The following ZC3H18 variants were observed in gnomAD, a reference collection of about 807,000 sequenced individuals.
The protein encoded by ZC3H18 is zinc finger CCCH domain-containing protein 18.
A neutral mutation model predicts 106.1 loss-of-function variants in ZC3H18; 8 were observed. The observed-to-expected ratio is 0.08, with a 90% CI of 0.04 to 0.14. ZC3H18 has a LOEUF of 0.14. ZC3H18 is among the 10% of genes least tolerant of loss of function. The pLI is 1.00. For missense variants in ZC3H18, 1,318 were observed against 1,278.4 expected (o/e 1.03, Z -0.47); for synonymous variants, 635 against 522.1 (o/e 1.22, Z -2.95).
chr16:88,612,744 G>A (rs1427209240), intron 8 of ZC3H18, among the ~76,000 whole-genome samples: 1 of 151,966 alleles, frequency 6.6e-6, no homozygotes, highest in African/African-American at 2.4e-5. Flanking sequence ...GCTCACTCTT[G>A]TAATCTCAGC....
chr16:88,570,471 C>G lies in ZC3H18; in HGVS notation c.-110C>G, dbSNP rs1245406995. On this transcript the variant is annotated 5_prime_UTR_variant, in exon 1 of 18. Transcript: ENST00000301011. ...TGTTCCGCCCGTGTCGAGCCTGGAGCCAGAACCTGTGAAGAGCGGAAGGGC... is the reference window on the plus strand; with the variant it reads ...TGTTCCGCCCGTGTCGAGCCTGGAGGCAGAACCTGTGAAGAGCGGAAGGGC... 6.6e-6 allele frequency: 1 copy of G among 152,032 alleles called. No homozygotes were observed. The highest frequency in any genetic ancestry group is 1.5e-5 in the Non-Finnish European group (1 of 68,034). The allele number at this position is 152,032 out of a possible 1,614,324, so 9.4% of individuals were successfully genotyped here.
intron 16 of ZC3H18, 21 bp downstream of exon 16, chr16:88,628,875 G>C (rs755099544): frequency 8.7e-5 from 140 of 1,613,484 alleles, no homozygotes; most frequent in Non-Finnish European, 1.1e-4. Flanking sequence ...CAGCCCCTAG[G>C]GGGCAGGGCA....
At chr16:88,578,842 C>A (rs879791741) in intron 2 of ZC3H18, among the ~76,000 whole-genome samples, 15 of 152,188 alleles carry the variant, frequency 9.9e-5, no homozygotes, top group African/African-American at 3.1e-4. Context: ...AGGCGCCCGC[C>A]ACCACTGGCT....
At chr16:88,574,502 C>T (rs1455235995) in intron 1 of ZC3H18, among the ~76,000 whole-genome samples, 1 of 151,642 alleles carries the variant, frequency 6.6e-6, no homozygotes, top group Admixed American at 6.6e-5. Context: ...AGCCACCACG[C>T]CTGGCCAGAT....
At chr16:88,620,539 A>G (rs955678495) in intron 8 of ZC3H18, among the ~76,000 whole-genome samples, 1 of 150,764 alleles carries the variant, frequency 6.6e-6, no homozygotes, top group African/African-American at 2.4e-5. Flanking sequence ...ATGCCACCAC[A>G]CTCCAGCCCA....
chr16:88,580,154 A>ATTG (rs1166302801), intron 2 of ZC3H18, among the ~76,000 whole-genome samples: 5 of 132,024 alleles, frequency 3.8e-5, no homozygotes, highest in Non-Finnish European at 7.9e-5. Flanking sequence ...ACACAGGTTC[A>ATTG]TCTGTGTGTG....
chr16:88,622,464 C>G, intron 9 of ZC3H18, 76 bp downstream of exon 9: 1 of 1,458,232 alleles, frequency 6.9e-7, no homozygotes, highest in Non-Finnish European at 9.2e-7. Context: ...CTCACTGGGT[C>G]AGGTGGGGAA....
chr16:88,620,625 C>T (rs1905899159), intron 8 of ZC3H18, among the ~76,000 whole-genome samples: 1 of 150,822 alleles, frequency 6.6e-6, no homozygotes, highest in African/African-American at 2.4e-5. Flanking sequence ...ATACAATTGC[C>T]AGGATTTTGG....
At position 88,577,544 on chromosome 16, in the gene ZC3H18, G is replaced by T; in HGVS notation, c.421G>T (p.Ala141Ser). 1.2e-6 allele frequency: 2 copies of T among 1,613,468 alleles called. No individual in the cohort carries two copies. Among genetic ancestry groups the T allele is most frequent in the Non-Finnish European group, 1.7e-6 (2 of 1,179,956 alleles). The change falls in exon 2 of 18, where the codon GCC becomes TCC. Residue 141 changes from alanine to serine, a missense_variant. By Grantham distance (99) the Ala-to-Ser change is moderately conservative (BLOSUM62 1). Coordinates refer to ENST00000301011, the MANE Select transcript of ZC3H18 (RefSeq NM_144604.4). Reference sequence around the variant, plus strand: ...GGAGGTTCCTGAGGAGCCAGCTCCCGCCGTCCAGGAGGACGAGGCTGAGAA... The same window carrying T: ...GGAGGTTCCTGAGGAGCCAGCTCCCTCCGTCCAGGAGGACGAGGCTGAGAA... ...DEEVPEEPAP[A>S]VQEDEAEKAG... is the part of the protein sequence containing the mutation.
chr16:88,590,564 C>CTTTTTTTT (rs57632461), intron 3 of ZC3H18, among the ~76,000 whole-genome samples: 4,198 of 100,478 alleles, frequency 0.042, 423 homozygotes, highest in African/African-American at 0.083. Flanking sequence ...TTCTTTATTT[C>CTTTTTTTT]TTTTTTTTTT....
chr16:88,626,373 C>G (rs1349132402), intron 13 of ZC3H18: 2 of 151,818 alleles, frequency 1.3e-5, no homozygotes. Context: ...AACAGAGATC[C>G]TGTCTCAAAA....
intron 13 of ZC3H18, chr16:88,626,282 T>G (rs1268471979): frequency 3.9e-5 from 6 of 152,064 alleles, no homozygotes; most frequent in Admixed American, 3.9e-4. Flanking sequence ...CTGGGTATAG[T>G]GGTGTGTGCC....
At chr16:88,593,620 C>A (rs1003285938) in intron 3 of ZC3H18, among the ~76,000 whole-genome samples, 8 of 152,192 alleles carry the variant, frequency 5.3e-5, no homozygotes, top group African/African-American at 1.9e-4. Flanking sequence ...GTCCAGCGGC[C>A]TCAAGGGGCA....
intron 8 of ZC3H18, 97 bp from the exon 9 acceptor site, chr16:88,622,100 A>G: frequency 1.5e-6 from 2 of 1,375,240 alleles, no homozygotes; most frequent in Non-Finnish European, 2.0e-6. Context: ...TAAATAAGCC[A>G]GGTATGAGAT....
intron 2 of ZC3H18, among the ~76,000 whole-genome samples, chr16:88,583,036 C>A (rs1343743449): frequency 6.6e-6 from 1 of 152,240 alleles, no homozygotes; most frequent in African/African-American, 2.4e-5. Context: ...ACAAGATGCC[C>A]AGGATTCAGG....
chr16:88,629,188 A>T (rs891184639), intron 16 of ZC3H18, among the ~76,000 whole-genome samples: 3 of 152,140 alleles, frequency 2.0e-5, no homozygotes, highest in African/African-American at 7.2e-5. Context: ...AAAATACAAA[A>T]ATTAGGCCGG....
intron 13 of ZC3H18, chr16:88,626,986 G>A (rs1261230275): frequency 6.6e-6 from 1 of 152,260 alleles, no homozygotes; most frequent in Non-Finnish European, 1.5e-5. Context: ...TCTAAGCCAG[G>A]GACTCTGCTT....
chr16:88,576,547 G>A (rs1597317439), intron 1 of ZC3H18, among the ~76,000 whole-genome samples: 4 of 152,116 alleles, frequency 2.6e-5, no homozygotes, highest in African/African-American at 4.8e-5. Context: ...CTAAAGGGCA[G>A]CCAAGGGATT....
intron 8 of ZC3H18, among the ~76,000 whole-genome samples, chr16:88,621,286 G>A (rs1267796814): frequency 4.6e-5 from 7 of 150,820 alleles, no homozygotes; most frequent in Admixed American, 6.6e-5. Context: ...GTGCAATGGC[G>A]CGATCTCGGC....
Sources: gnomAD v4.1 joint callset for allele counts (sites outside exome capture counted in the v4.1 genomes callset) on GRCh38, gnomAD v4.1.1 for gene constraint, MANE v1.5 for transcripts, NCBI Gene and HGNC (gene_info 2026-07-23, HGNC 2026-07-21) for gene names.